The following PWP1 variants were observed in gnomAD, a reference collection of about 807,000 sequenced individuals.
PWP1 encodes PWP1 homolog, endonuclein.
In PWP1, 47 loss-of-function variants were observed where a neutral mutation model predicts 69.9. The observed-to-expected ratio is 0.67, with a 90% CI of 0.53 to 0.86. The LOEUF is 0.86. Ranked by LOEUF, PWP1 falls within the 40% of genes least tolerant of loss-of-function variation. The pLI is 0.00. For synonymous variants in PWP1, 222 were observed against 208.2 expected (o/e 1.07, Z -0.57); for missense variants, 551 against 608.8 (o/e 0.91, Z 1.00).
At chr12:107,686,234 C>T (rs575838472) in intron 1 of PWP1, 22 of 550,914 alleles carry the variant, frequency 4.0e-5, no homozygotes, top group East Asian at 3.8e-4. Flanking sequence ...CGCACATGGA[C>T]TTAGCGGGCC....
rs1009571808 is a variant in PWP1 at position 107,701,006 on chromosome 12, A to C, written c.806+1572A>C. ...CAGCTTCCCAAGTCACTTGGAGTAC[A>C]GGGGCTTGCCACCACACCTGGCTTA... On this transcript the variant is annotated intron_variant, in intron 8 of 14. Transcript: ENST00000412830. 2.6e-5 allele frequency among the ~76,000 whole-genome samples: 4 copies of C among 152,282 alleles called. 1 individual carries two copies. Among genetic ancestry groups the C allele is most frequent in the South Asian group, 2.1e-4 (1 of 4,830 alleles).
chr12:107,709,271 G>A, intron 13 of PWP1, 39 bp downstream of exon 13: 1 of 1,589,256 alleles, frequency 6.3e-7, no homozygotes. Context: ...TATTTATTCT[G>A]TTTCTGACCT....
At chr12:107,709,783 G>C (rs929264168) in intron 13 of PWP1, among the ~76,000 whole-genome samples, 1 of 152,016 alleles carries the variant, frequency 6.6e-6, no homozygotes, top group African/African-American at 2.4e-5. Context: ...GTTGAAAATT[G>C]TGTATGAATA....
In PWP1 at chr12:107,703,653, G is replaced by GTTT. The variant is rs778297462; in HGVS notation, c.904-32_904-31insTTT. On this transcript the variant is annotated intron_variant, in intron 9 of 14. Coordinates refer to ENST00000412830, the MANE Select transcript of PWP1 (RefSeq NM_007062.3). Reference sequence around the variant, plus strand: ...TAATTTTACGAAAAGCAAACCAACAGAGATCTCTGCATTTATGTTTCCTCC... The same window carrying GTTT: ...TAATTTTACGAAAAGCAAACCAACAGTTTAGATCTCTGCATTTATGTTTCCTCC... The GTTT allele has an allele frequency of 6.4e-6, 10 of 1,558,134 alleles. No homozygotes were observed. The Admixed American group carries it at 1.5e-4, about 23-fold the overall frequency.
chr12:107,706,084 G>A (rs1416924527), intron 11 of PWP1, among the ~76,000 whole-genome samples: 2 of 152,054 alleles, frequency 1.3e-5, no homozygotes, highest in African/African-American at 2.4e-5. Flanking sequence ...TTTAATGATC[G>A]CCATTCTAAC....
intron 5 of PWP1, 130 bp from the exon 6 acceptor site, chr12:107,696,344 T>G: frequency 7.5e-7 from 1 of 1,342,100 alleles, no homozygotes. Flanking sequence ...GGAATCTCTT[T>G]ATAATATCAG....
At chr12:107,690,999 A>G (rs542634512) in intron 3 of PWP1, among the ~76,000 whole-genome samples, 2 of 152,312 alleles carry the variant, frequency 1.3e-5, no homozygotes, top group South Asian at 2.1e-4. Flanking sequence ...ACAGACAGGC[A>G]ATGAGAAATG....
chr12:107,701,868 G>C (rs913102962), intron 8 of PWP1, among the ~76,000 whole-genome samples: 1 of 152,112 alleles, frequency 6.6e-6, no homozygotes. Flanking sequence ...AATAGAGACA[G>C]GGTTTCACCA....
At chr12:107,689,322 G>A (rs1185873824) in intron 3 of PWP1, among the ~76,000 whole-genome samples, 1 of 152,002 alleles carries the variant, frequency 6.6e-6, no homozygotes, top group Non-Finnish European at 1.5e-5. Context: ...GTACATATAG[G>A]AAAAACATAA....
At chr12:107,703,616 C>A in intron 9 of PWP1, 69 bp from the exon 10 acceptor site, 4 of 1,282,758 alleles carry the variant, frequency 3.1e-6, no homozygotes, top group Admixed American at 1.7e-5. Flanking sequence ...TAGATTCTTA[C>A]CACATGTTAG....
chr12:107,686,007 G>A (rs946945761), intron 1 of PWP1, 36 bp downstream of exon 1: 15 of 1,609,066 alleles, frequency 9.3e-6, no homozygotes, highest in Non-Finnish European at 1.3e-5. Flanking sequence ...GGGGAGCAGC[G>A]TCTTTACGGC....
intron 1 of PWP1, among the ~76,000 whole-genome samples, chr12:107,686,817 T>A (rs1028635791): frequency 2.0e-4 from 31 of 151,878 alleles, no homozygotes; most frequent in Non-Finnish European, 2.8e-4. Flanking sequence ...ATACAAAAAA[T>A]TAGCCGGGTG....
chr12:107,689,516 C>T (rs957559698), intron 3 of PWP1, among the ~76,000 whole-genome samples: 3 of 152,144 alleles, frequency 2.0e-5, no homozygotes, highest in Non-Finnish European at 2.9e-5. Context: ...GAGGCCGAGG[C>T]AGGTGGATCA....
intron 1 of PWP1, among the ~76,000 whole-genome samples, chr12:107,687,282 G>A (rs1889389427): frequency 6.6e-6 from 1 of 152,060 alleles, no homozygotes; most frequent in Non-Finnish European, 1.5e-5. Flanking sequence ...TATAGAATAG[G>A]GACAGAAAAT....
chr12:107,703,722 C>G lies in PWP1; in HGVS notation c.941C>G (p.Thr314Ser). 1 of 1,605,118 alleles carries G rather than the reference C, an allele frequency of 6.2e-7. No homozygotes were observed. Among genetic ancestry groups the G allele is most frequent in the African/African-American group, 1.3e-5 (1 of 74,826 alleles). ...TLQFHPFEAQ[T>S]LISGSYDKSV... ...CAGTTTCATCCATTTGAAGCACAGA[C>G]TCTGATTTCTGGCTCATATGATAAG... is the stretch of plus-strand genomic sequence containing the variant. Residue 314 changes from threonine (T) to serine (S), a missense_variant, in exon 10 of 15, where the codon ACT becomes AGT. Coordinates refer to ENST00000412830, the MANE Select transcript of PWP1 (RefSeq NM_007062.3).
chr12:107,697,674 G>A (rs1353568687), intron 7 of PWP1, 77 bp downstream of exon 7: 11 of 1,382,854 alleles, frequency 8.0e-6, no homozygotes, highest in Middle Eastern at 1.8e-4. Flanking sequence ...GGGTAAGACC[G>A]TACACTTTTT....
At chr12:107,688,129 A>G (rs1433309781) in intron 1 of PWP1, among the ~76,000 whole-genome samples, 1 of 151,298 alleles carries the variant, frequency 6.6e-6, no homozygotes, top group African/African-American at 2.4e-5. Context: ...GAGGTGCCCT[A>G]GACAGAGTCA....
chr12:107,712,881 A>G lies in PWP1; in HGVS notation c.*661A>G, dbSNP rs967988973. 1.1e-4 allele frequency: 17 copies of G among 152,228 alleles called. No homozygotes were observed. Among genetic ancestry groups the G allele is most frequent in the African/African-American group, 4.1e-4 (17 of 41,444 alleles). 9.4% of individuals were successfully genotyped at this position (152,228 alleles called of 1,614,324 possible). On this transcript the variant is annotated 3_prime_UTR_variant, in exon 15 of 15. Coordinates refer to ENST00000412830, the MANE Select transcript of PWP1 (RefSeq NM_007062.3). The stretch of plus-strand genomic sequence containing the variant: ...CAGTGTGAATAAGTCTTTGCTCTCC[A>G]CCTAACAAGGGACAGTTTTAATTAT...
At chr12:107,692,943 A>C in intron 4 of PWP1, 44 bp downstream of exon 4, 1 of 1,611,904 alleles carries the variant, frequency 6.2e-7, no homozygotes, top group Non-Finnish European at 8.5e-7. Flanking sequence ...TTAAGTGTTC[A>C]AAAAACCTTA....
Sources: allele counts gnomAD v4.1 joint callset (sites outside exome capture counted in the v4.1 genomes callset), GRCh38; gene constraint gnomAD v4.1.1; transcripts MANE v1.5; gene names NCBI Gene and HGNC (gene_info 2026-07-23, HGNC 2026-07-21).